CUBN: variants seen among roughly 807,000 people sequenced by gnomAD.
CUBN encodes the protein 460 kDa receptor.
A neutral mutation model predicts 405.3 loss-of-function variants in CUBN; 282 were observed. The ratio of observed to expected loss-of-function variants is 0.70; its 90% CI spans 0.63 to 0.77. The LOEUF (loss-of-function observed/expected upper bound fraction) is 0.77. Among genes scored for constraint, CUBN ranks in the 30% least tolerant of loss-of-function variants. The probability of loss-of-function intolerance (pLI) is 0.00; values close to 1 mark genes in which losing one functional copy is unlikely to be tolerated. For synonymous variants in CUBN, 1,684 were observed against 1,617.0 expected (o/e 1.04, Z -0.99); for missense variants, 4,514 against 4,475.2 (o/e 1.01, Z -0.25).
At chr10:17,071,361 A>C (rs1835734629) in intron 19 of CUBN, 65 bp downstream of exon 19, 1 of 1,514,116 alleles carries the variant, frequency 6.6e-7, no homozygotes, top group African/African-American at 1.4e-5. Context: ...ATTTGAAGAC[A>C]ACAACCCATA....
intron 28 of CUBN, among the ~76,000 whole-genome samples, chr10:16,996,600 T>C (rs185104524): frequency 3.9e-4 from 57 of 145,532 alleles, no homozygotes; most frequent in Non-Finnish European, 7.7e-4. Context: ...GTAGGTACTA[T>C]CTTTAAGTTC....
intron 60 of CUBN, among the ~76,000 whole-genome samples, chr10:16,849,326 C>T (rs1839610057): frequency 6.6e-6 from 1 of 151,250 alleles, no homozygotes; most frequent in South Asian, 2.1e-4. Context: ...CAGTTGCCTC[C>T]CTGGGTACTT....
chr10:17,127,257 TC>T (rs1837217897), intron 3 of CUBN, among the ~76,000 whole-genome samples: 2 of 113,642 alleles, frequency 1.8e-5, no homozygotes, highest in African/African-American at 6.8e-5. Flanking sequence ...TCTCTCTCTC[TC>T]TCTTTCTTTT....
intron 28 of CUBN, among the ~76,000 whole-genome samples, chr10:16,996,815 C>T (rs1465923031): frequency 6.6e-6 from 1 of 152,094 alleles, no homozygotes; most frequent in Non-Finnish European, 1.5e-5. Flanking sequence ...TCTTGAAATA[C>T]ACATGGCTAA....
At chr10:17,103,899 G>A (rs1301625877) in intron 12 of CUBN, among the ~76,000 whole-genome samples, 2 of 152,278 alleles carry the variant, frequency 1.3e-5, no homozygotes, top group Middle Eastern at 3.4e-3. Flanking sequence ...CATGGGGTCC[G>A]GTGACGAAAG....
chr10:16,993,428 T>C lies in CUBN; in HGVS notation c.4169-2913A>G, dbSNP rs1034261455. ...GTGAATTCCTTCGCAAATAACAGGA[T>C]ACTAATACCCTTAAATTGTCGCTGT... On this transcript the variant is annotated intron_variant, in intron 28 of 66. Transcript: ENST00000377833. 2.6e-5 allele frequency among the ~76,000 whole-genome samples: 4 copies of C among 152,226 alleles called. No individual in the cohort carries two copies. The East Asian group carries it at 7.7e-4, about 29-fold the overall frequency.
rs1242418872 is a variant in CUBN, at chr10:16,831,423, G to C, written c.10363-6C>G. 6.2e-7 allele frequency: 1 copy of C among 1,611,842 alleles called. No individual in the cohort carries two copies. The highest frequency in any genetic ancestry group is 8.5e-7 in the Non-Finnish European group (1 of 1,177,956). On this transcript the variant is annotated splice_region_variant and splice_polypyrimidine_tract_variant and intron_variant, in intron 64 of 66. Transcript: ENST00000377833. ...CTGTTACTTCCATTTCTCACCTTTA[G>C]GAAGGAGTCATTCATTATTAAACTT...
intron 8 of CUBN, among the ~76,000 whole-genome samples, chr10:17,111,882 C>T (rs1459959829): frequency 2.6e-5 from 4 of 152,228 alleles, no homozygotes; most frequent in Non-Finnish European, 5.9e-5. Flanking sequence ...CAAGATTGCA[C>T]CACTGCACTC....
At chr10:16,877,945 T>A (rs988552960) in intron 56 of CUBN, among the ~76,000 whole-genome samples, 2 of 152,230 alleles carry the variant, frequency 1.3e-5, no homozygotes, top group African/African-American at 4.8e-5. Flanking sequence ...TGTATCAATA[T>A]GAAATTACAT....
chr10:16,881,102 G>T (rs1393636112), intron 56 of CUBN, among the ~76,000 whole-genome samples: 1 of 152,154 alleles, frequency 6.6e-6, no homozygotes, highest in Non-Finnish European at 1.5e-5. Flanking sequence ...AAAAAATTGT[G>T]CATTAGTTAT....
At chr10:17,123,086 A>C (rs912857680) in intron 5 of CUBN, among the ~76,000 whole-genome samples, 188 bp from the exon 6 acceptor site, 7 of 152,208 alleles carry the variant, frequency 4.6e-5, no homozygotes, top group Non-Finnish European at 1.0e-4. Context: ...CTAATAGAAC[A>C]CAAGAGCTCT....
chr10:17,110,061 A>G (rs34440741), intron 9 of CUBN, among the ~76,000 whole-genome samples: 19,386 of 152,226 alleles, frequency 0.13, 1,631 homozygotes, highest in Middle Eastern at 0.3. Flanking sequence ...TTAGAGGTCA[A>G]TTATTATAGA....
chr10:16,947,146 C>T (rs1842807816), intron 36 of CUBN, 89 bp downstream of exon 36: 1 of 1,356,612 alleles, frequency 7.4e-7, no homozygotes, highest in Non-Finnish European at 1.1e-6. Flanking sequence ...ATTTCACGTA[C>T]ACTATGAGTT....
chr10:17,110,193 T>C (rs45463600), intron 9 of CUBN, among the ~76,000 whole-genome samples: 11,124 of 152,268 alleles, frequency 0.073, 532 homozygotes, highest in South Asian at 0.24. Flanking sequence ...AAAAGACTTC[T>C]TTCCAGAAAA....
intron 28 of CUBN, among the ~76,000 whole-genome samples, chr10:16,997,549 A>T (rs778646873): frequency 1.5e-4 from 23 of 152,188 alleles, no homozygotes; most frequent in Admixed American, 1.0e-3. Flanking sequence ...AGAGCTCAGA[A>T]TCTGGGGAAG....
chr10:16,828,982 G>A lies in CUBN; in HGVS notation c.10587C>T (p.Gly3529=), dbSNP rs776670418. The part of the protein sequence containing the change: ...RGSFTSPGYP[G]TYPNNTYCEW... Reference sequence around the variant, plus strand: ...CGCAGTACGTGTTGTTTGGGTATGTGCCTGGATAGCCGGGGCTGGTGAATG... The same window carrying A: ...CGCAGTACGTGTTGTTTGGGTATGTACCTGGATAGCCGGGGCTGGTGAATG... The change falls in exon 66 of 67, where the codon GGC becomes GGT. Residue 3529 remains glycine (G), a synonymous_variant. Coordinates refer to ENST00000377833, the MANE Select transcript of CUBN (RefSeq NM_001081.4). 6.2e-7 allele frequency: 1 copy of A among 1,614,164 alleles called. No homozygotes were observed. The highest frequency in any genetic ancestry group is 2.2e-5 in the East Asian group (1 of 44,878).
rs370985411 is a variant in CUBN, at chr10:16,835,196, C to T, written c.10181-1G>A. 6.2e-7 allele frequency: 1 copy of T among 1,612,742 alleles called. No individual in the cohort carries two copies. Among genetic ancestry groups the T allele is most frequent in the Non-Finnish European group, 8.5e-7 (1 of 1,178,864 alleles). On this transcript the variant is annotated splice_acceptor_variant, in intron 63 of 66. Transcript: ENST00000377833. LOFTEE classifies it high-confidence loss of function. ...GCCTTGTGATAGTCTCTGTTGCAAT[C>T]TTAGAGGAAAAATAGGCATAATTAA...
At chr10:16,885,733 G>A (rs1840792632) in intron 56 of CUBN, among the ~76,000 whole-genome samples, 1 of 152,092 alleles carries the variant, frequency 6.6e-6, no homozygotes, top group Non-Finnish European at 1.5e-5. Flanking sequence ...ATTGCTTTCT[G>A]TGGCTTTATA....
At chr10:16,992,200 T>A (rs1356911723) in intron 28 of CUBN, among the ~76,000 whole-genome samples, 2 of 151,894 alleles carry the variant, frequency 1.3e-5, no homozygotes, top group Non-Finnish European at 2.9e-5. Context: ...ATGAGAACAC[T>A]TGGACACAGG....
Sources: allele counts gnomAD v4.1 joint callset (sites outside exome capture counted in the v4.1 genomes callset), GRCh38; gene constraint gnomAD v4.1.1; transcripts MANE v1.5; gene names NCBI Gene and HGNC (gene_info 2026-07-23, HGNC 2026-07-21).